The following CERS6 variants were observed in gnomAD, a reference collection of about 807,000 sequenced individuals.
CERS6 encodes the protein LAG1 homolog, ceramide synthase 6.
Under a neutral mutation model 56.8 loss-of-function variants are expected in CERS6, and 26 were observed. That is an observed-to-expected ratio of 0.46 (90% CI 0.34 to 0.63). The LOEUF (loss-of-function observed/expected upper bound fraction) is 0.63, where lower values mean the gene tolerates loss of function less well. CERS6 is among the 30% of genes least tolerant of loss of function. The pLI is 0.01. For synonymous variants in CERS6, 164 were observed against 173.3 expected (o/e 0.95, Z 0.42); for missense variants, 415 against 467.5 (o/e 0.89, Z 1.04).
At position 168,630,972 on chromosome 2, in the gene CERS6, TA is replaced by T; in HGVS notation, c.408-11del. 1 of 1,403,546 alleles carries T rather than the reference TA, an allele frequency of 7.1e-7. No homozygotes were observed. Among genetic ancestry groups the T allele is most frequent in the Non-Finnish European group, 9.8e-7 (1 of 1,015,626 alleles). The allele number at this position is 1,403,546 out of a possible 1,614,324, so 86.9% of individuals were successfully genotyped here. On this transcript the variant is annotated splice_polypyrimidine_tract_variant and intron_variant, in intron 3 of 9. Transcript: ENST00000305747. ...AAACTGAATGTCACAGATTTTTTTT[TA>T]ACCTTCTACAGGTGGAGATTTTCAT...
At chr2:168,711,437 C>G (rs979522293) in intron 6 of CERS6, among the ~76,000 whole-genome samples, 4 of 152,254 alleles carry the variant, frequency 2.6e-5, no homozygotes, top group African/African-American at 9.6e-5. Context: ...GATCCAGTCT[C>G]TTAATTGTAT....
chr2:168,686,319 C>T (rs553731166), intron 4 of CERS6, among the ~76,000 whole-genome samples: 1 of 151,484 alleles, frequency 6.6e-6, no homozygotes, highest in Non-Finnish European at 1.5e-5. Context: ...AAGACTCTAA[C>T]CTTATGACCT....
chr2:168,690,693 ATC>A (rs1404356154), intron 4 of CERS6, among the ~76,000 whole-genome samples: 9 of 152,106 alleles, frequency 5.9e-5, no homozygotes, highest in African/African-American at 2.2e-4. Context: ...GAGGATTTAT[ATC>A]TGGTTTCTGT....
intron 8 of CERS6, among the ~76,000 whole-genome samples, chr2:168,745,024 A>AG (rs1408137334): frequency 6.6e-6 from 1 of 152,204 alleles, no homozygotes; most frequent in Non-Finnish European, 1.5e-5. Flanking sequence ...GTGAGCAGGC[A>AG]GGTTGGGAAC....
At chr2:168,658,279 A>T (rs1050790044) in intron 4 of CERS6, among the ~76,000 whole-genome samples, 1 of 152,228 alleles carries the variant, frequency 6.6e-6, no homozygotes, top group South Asian at 2.1e-4. Flanking sequence ...TTTCTCTTTT[A>T]GGGTCCTTGA....
intron 1 of CERS6, among the ~76,000 whole-genome samples, chr2:168,494,791 G>A (rs1574021357): frequency 1.3e-5 from 2 of 152,086 alleles, no homozygotes; most frequent in East Asian, 1.9e-4. Context: ...TTTTCACTTA[G>A]CATTCTCCCC....
intron 3 of CERS6, among the ~76,000 whole-genome samples, chr2:168,588,507 C>A (rs888783429): frequency 6.6e-6 from 1 of 152,098 alleles, no homozygotes; most frequent in South Asian, 2.1e-4. Flanking sequence ...GGAATCACAC[C>A]GTTTTTGTCC....
At chr2:168,693,396 C>T (rs577206347) in intron 5 of CERS6, among the ~76,000 whole-genome samples, 9 of 152,150 alleles carry the variant, frequency 5.9e-5, no homozygotes, top group Non-Finnish European at 1.2e-4. Flanking sequence ...TCCAGATGCT[C>T]TCTGAGTTGC....
In CERS6 at chr2:168,481,535, T is replaced by C. The variant is rs142565388; in HGVS notation, c.170+24917T>C. On this transcript the variant is annotated intron_variant, in intron 1 of 9. Coordinates refer to ENST00000305747, the MANE Select transcript of CERS6 (RefSeq NM_203463.3). The stretch of plus-strand genomic sequence containing the variant: ...GTCAAGTCGGATCATTTGCAGCTGA[T>C]TGGGGCTTCTAGGTGTAAACACTGA... Among the ~76,000 whole-genome samples the C allele has an allele frequency of 7.9e-4, 120 of 152,280 alleles. 1 individual carries two copies. The East Asian group carries it at 0.019, about 24-fold the overall frequency.
intron 8 of CERS6, among the ~76,000 whole-genome samples, chr2:168,740,016 A>G (rs1442871742): frequency 1.3e-5 from 2 of 152,124 alleles, no homozygotes; most frequent in Admixed American, 1.3e-4. Context: ...AGGAACATTT[A>G]AGGGGATGTT....
At chr2:168,633,115 C>A (rs1684785038) in intron 4 of CERS6, among the ~76,000 whole-genome samples, 1 of 150,998 alleles carries the variant, frequency 6.6e-6, no homozygotes, top group African/African-American at 2.4e-5. Context: ...TAAACTAGAC[C>A]AGTTTTATGC....
intron 1 of CERS6, among the ~76,000 whole-genome samples, chr2:168,510,103 A>C (rs1694752170): frequency 6.6e-6 from 1 of 152,140 alleles, no homozygotes; most frequent in African/African-American, 2.4e-5. Flanking sequence ...TAAAAAAAAA[A>C]AAAACCAAGT....
chr2:168,643,404 CT>C (rs1219010236), intron 4 of CERS6, among the ~76,000 whole-genome samples: 22 of 152,072 alleles, frequency 1.4e-4, no homozygotes, highest in Admixed American at 6.5e-4. Context: ...CTTACCTTTT[CT>C]TATTAGCCAG....
In CERS6 at chr2:168,643,840, T is replaced by G. The variant is rs1367334306; in HGVS notation, c.465+12798T>G. Among the ~76,000 whole-genome samples, 4 of 152,190 alleles carry G rather than the reference T, an allele frequency of 2.6e-5. No homozygotes were observed. In the East Asian group the frequency reaches 5.8e-4, roughly 22 times the overall value. On this transcript the variant is annotated intron_variant, in intron 4 of 9. Coordinates refer to ENST00000305747, the MANE Select transcript of CERS6 (RefSeq NM_203463.3). ...TATACGCCCGGATAATTTCTTCATC[T>G]CGAGGTCCAGAATCACATCTGCAGT...
At chr2:168,586,842 G>A (rs917473400) in intron 3 of CERS6, among the ~76,000 whole-genome samples, 7 of 152,110 alleles carry the variant, frequency 4.6e-5, no homozygotes, top group African/African-American at 1.7e-4. Flanking sequence ...AAATTTCTTG[G>A]CACATTCCTT....
At chr2:168,638,907 G>A (rs774846358) in intron 4 of CERS6, among the ~76,000 whole-genome samples, 8 of 152,122 alleles carry the variant, frequency 5.3e-5, no homozygotes, top group Non-Finnish European at 1.0e-4. Flanking sequence ...AAGAGCAAAT[G>A]GTGGCTGCTG....
intron 6 of CERS6, among the ~76,000 whole-genome samples, chr2:168,697,127 C>T (rs2105368140): frequency 6.6e-6 from 1 of 152,326 alleles, no homozygotes. Flanking sequence ...CACCATCCTA[C>T]AGCAGTGGCT....
At chr2:168,596,736 AAT>A (rs1428923929) in intron 3 of CERS6, among the ~76,000 whole-genome samples, 1 of 151,842 alleles carries the variant, frequency 6.6e-6, no homozygotes, top group East Asian at 1.9e-4. Context: ...TGGTGTTTTT[AAT>A]AGAGATGGGG....
chr2:168,766,129 GA>G (rs1368816082), intron 9 of CERS6, among the ~76,000 whole-genome samples: 1 of 152,114 alleles, frequency 6.6e-6, no homozygotes, highest in Non-Finnish European at 1.5e-5. Context: ...CTTTCAAACT[GA>G]AAAACAAATC....
Sources: gnomAD v4.1 joint callset for allele counts (sites outside exome capture counted in the v4.1 genomes callset) on GRCh38, gnomAD v4.1.1 for gene constraint, MANE v1.5 for transcripts, NCBI Gene and HGNC (gene_info 2026-07-23, HGNC 2026-07-21) for gene names.